The following CCPG1 variants were observed in gnomAD, a reference collection of about 807,000 sequenced individuals.
The protein encoded by CCPG1 is cell cycle progression protein 1.
A neutral mutation model predicts 81.3 loss-of-function variants in CCPG1; 46 were observed. The ratio of observed to expected loss-of-function variants is 0.57; its 90% confidence interval spans 0.45 to 0.72. CCPG1 has a LOEUF of 0.72. Among genes scored for constraint, CCPG1 ranks in the 30% least tolerant of loss-of-function variants. The probability of loss-of-function intolerance (pLI) is 0.00; values close to 1 mark genes in which losing one functional copy is unlikely to be tolerated. For missense variants in CCPG1, 902 were observed against 937.6 expected, an observed-to-expected ratio of 0.96 and a Z score of 0.50; for synonymous variants, 330 against 305.2, an observed-to-expected ratio of 1.08 and a Z score of -0.85.
At chr15:55,358,957 A>T (rs2056136093) in intron 8 of CCPG1, 1 of 975,006 alleles carries the variant, frequency 1.0e-6, no homozygotes, top group Non-Finnish European at 1.2e-6. Flanking sequence ...ATGAAAATGG[A>T]TAAAAAATTA....
At chr15:55,369,317 C>T (rs1252278935) in intron 6 of CCPG1, among the ~76,000 whole-genome samples, 1 of 152,066 alleles carries the variant, frequency 6.6e-6, no homozygotes, top group Non-Finnish European at 1.5e-5. Context: ...GGACAGATCA[C>T]CTGAGGTCAG....
At chr15:55,377,203 T>C (rs1413250155) in intron 4 of CCPG1, 53 bp from the exon 5 acceptor site, 1 of 1,262,352 alleles carries the variant, frequency 7.9e-7, no homozygotes, top group Non-Finnish European at 1.1e-6. Flanking sequence ...TTAAGGGTCT[T>C]ACATTTTCTT....
intron 2 of CCPG1, among the ~76,000 whole-genome samples, chr15:55,386,083 T>C (rs1422214443): frequency 6.6e-6 from 1 of 151,956 alleles, no homozygotes; most frequent in Non-Finnish European, 1.5e-5. Context: ...CGCTAGATGC[T>C]GTGGGATATA....
At chr15:55,390,864 A>T (rs905601325) in intron 1 of CCPG1, among the ~76,000 whole-genome samples, 5 of 152,242 alleles carry the variant, frequency 3.3e-5, no homozygotes, top group Non-Finnish European at 7.3e-5. Context: ...TTTTAATGTT[A>T]TGACAAGAGC....
intron 6 of CCPG1, among the ~76,000 whole-genome samples, chr15:55,365,846 C>T (rs1424764205): frequency 6.6e-6 from 1 of 151,812 alleles, no homozygotes; most frequent in Non-Finnish European, 1.5e-5. Context: ...AATCCCAGCA[C>T]ATTGGGAGGC....
At chr15:55,376,926 G>GTC (rs768883341) in intron 5 of CCPG1, 23 bp downstream of exon 5, 2 of 1,556,250 alleles carry the variant, frequency 1.3e-6, no homozygotes, top group Non-Finnish European at 1.8e-6. Flanking sequence ...ATGTCTTTAA[G>GTC]TCTCTTATCA....
intron 8 of CCPG1, chr15:55,358,757 T>C (rs1387808990): frequency 1.0e-6 from 1 of 985,266 alleles, no homozygotes; most frequent in East Asian, 1.1e-4. Context: ...ATTTTTCACT[T>C]GTCTCCTCAA....
chr15:55,368,082 G>T (rs1165547091), intron 6 of CCPG1, among the ~76,000 whole-genome samples: 1 of 152,166 alleles, frequency 6.6e-6, no homozygotes, highest in African/African-American at 2.4e-5. Flanking sequence ...CTACATGGCA[G>T]GATGCAAAAT....
intron 7 of CCPG1, 64 bp downstream of exon 7, chr15:55,365,124 A>T: frequency 1.1e-6 from 1 of 945,372 alleles, no homozygotes; most frequent in Non-Finnish European, 1.6e-6. Context: ...TAAGCACAAT[A>T]AGCTCTAACT....
At chr15:55,378,779 TAG>T (rs1288450169) in intron 3 of CCPG1, among the ~76,000 whole-genome samples, 1 of 152,078 alleles carries the variant, frequency 6.6e-6, no homozygotes, top group Non-Finnish European at 1.5e-5. Context: ...GTATTTCTAC[TAG>T]AGATAGGGTT....
intron 6 of CCPG1, 30 bp from the exon 7 acceptor site, chr15:55,365,339 T>C (rs368165129): frequency 7.0e-6 from 9 of 1,282,636 alleles, no homozygotes; most frequent in Middle Eastern, 2.3e-4. Flanking sequence ...TAAAGGTATG[T>C]AACAAAAATA....
chr15:55,356,188 CT>C lies in CCPG1; in HGVS notation c.*31del. ...CATTATACAAAGCATAAATTTTTCT[CT>C]TACAGTTGTCTAATTTAACTCAATT... On this transcript the variant is annotated 3_prime_UTR_variant, in exon 9 of 9. Coordinates refer to ENST00000442196, the MANE Select transcript of CCPG1 (RefSeq NM_001204450.2). The C allele has an allele frequency of 6.8e-7, 1 of 1,476,088 alleles. No individual in the cohort carries two copies. The highest frequency in any genetic ancestry group is 9.0e-7 in the Non-Finnish European group (1 of 1,109,534). 91.4% of individuals were successfully genotyped at this position (1,476,088 alleles called of 1,614,324 possible).
At position 55,355,372 on chromosome 15, in the gene CCPG1, TCA is replaced by T; in HGVS notation, c.*846_*847del. The stretch of plus-strand genomic sequence containing the variant: ...ACTTGCCAGAGGGTCGAATTGGAAG[TCA>T]CATATATGTCTATGAACGGAAGTTA... On this transcript the variant is annotated 3_prime_UTR_variant, in exon 9 of 9. Coordinates refer to ENST00000442196, the MANE Select transcript of CCPG1 (RefSeq NM_001204450.2). The T allele has an allele frequency of 6.2e-7, 1 of 1,611,668 alleles. No homozygotes were observed. The highest frequency in any genetic ancestry group is 8.5e-7 in the Non-Finnish European group (1 of 1,177,928).
chr15:55,356,710 T>C, intron 8 of CCPG1: 1 of 1,078,144 alleles, frequency 9.3e-7, no homozygotes, highest in Non-Finnish European at 1.1e-6. Flanking sequence ...TTTTTCCTCC[T>C]TTCCTATAAA....
In CCPG1 at chr15:55,373,290, A is replaced by T. The variant is rs79587787; in HGVS notation, c.455-1246T>A. ...GCTACTTAGAGGAAAAGCACTAAAA[A>T]TAAGGATAAAATATGAACTCGAATA... On this transcript the variant is annotated intron_variant, in intron 5 of 8. Coordinates refer to ENST00000442196, the MANE Select transcript of CCPG1 (RefSeq NM_001204450.2). Among the ~76,000 whole-genome samples, 918 of 152,366 alleles carry T rather than the reference A, an allele frequency of 6.0e-3. 11 individuals carry two copies. Among genetic ancestry groups the T allele is most frequent in the Middle Eastern group, 0.041 (12 of 294 alleles).
intron 1 of CCPG1, among the ~76,000 whole-genome samples, chr15:55,406,472 G>C (rs1475767730): frequency 4.0e-5 from 1 of 25,262 alleles, no homozygotes; most frequent in Admixed American, 3.3e-4. Context: ...TTGTTTTTTT[G>C]AGATAATCTC....
chr15:55,379,102 C>T (rs573370992), intron 3 of CCPG1, among the ~76,000 whole-genome samples: 2 of 126,148 alleles, frequency 1.6e-5, no homozygotes, highest in Non-Finnish European at 3.3e-5. Context: ...TGCCTGGTAC[C>T]GTAAGAATAA....
intron 7 of CCPG1, among the ~76,000 whole-genome samples, chr15:55,364,398 C>G (rs2056277168): frequency 6.7e-6 from 1 of 150,286 alleles, no homozygotes; most frequent in Non-Finnish European, 1.5e-5. Context: ...CTCTTTCCCT[C>G]CTGCCAACTG....
intron 1 of CCPG1, among the ~76,000 whole-genome samples, chr15:55,397,373 A>G (rs2057041507): frequency 6.6e-6 from 1 of 152,228 alleles, no homozygotes; most frequent in Non-Finnish European, 1.5e-5. Context: ...TGAGAAAAGG[A>G]ATAAAAGATC....
Sources: gnomAD v4.1 joint callset for allele counts (sites outside exome capture counted in the v4.1 genomes callset) on GRCh38, gnomAD v4.1.1 for gene constraint, MANE v1.5 for transcripts, NCBI Gene and HGNC (gene_info 2026-07-23, HGNC 2026-07-21) for gene names.